Variants in GPC3 observed in about 807,000 individuals in gnomAD.
GPC3 encodes the protein glypican-3.
Under a neutral mutation model 34.4 loss-of-function variants are expected in GPC3, and 3 were observed. The ratio of observed to expected loss-of-function variants is 0.09; its 90% confidence interval spans 0.04 to 0.23. The LOEUF is 0.23. GPC3 is among the 10% of genes least tolerant of loss of function. The pLI, the probability that GPC3 is intolerant of heterozygous loss-of-function variation, is 1.00. For synonymous variants in GPC3, 177 were observed against 174.0 expected (o/e 1.02, Z -0.13); for missense variants, 351 against 445.6 (o/e 0.79, Z 1.91).
chrX:133,639,727 T>C (rs1308145752), intron 6 of GPC3, among the ~76,000 whole-genome samples: 2 of 112,071 alleles, frequency 1.8e-5, no homozygotes, highest in Non-Finnish European at 3.8e-5. Context: ...CCAAAAGTTT[T>C]AGCCACGGAA....
intron 2 of GPC3, among the ~76,000 whole-genome samples, chrX:133,944,542 A>T (rs1319017030): frequency 8.9e-6 from 1 of 111,768 alleles, no homozygotes; most frequent in African/African-American, 3.3e-5. Flanking sequence ...TGTATATTGT[A>T]CGGTTTTAAA....
At chrX:133,785,739 C>T (rs1306398597) in intron 2 of GPC3, among the ~76,000 whole-genome samples, 1 of 111,994 alleles carries the variant, frequency 8.9e-6, no homozygotes, top group African/African-American at 3.2e-5. Flanking sequence ...AATAAAATGA[C>T]ATGATGTCTA....
At chrX:133,893,717 G>A (rs1388125215) in intron 2 of GPC3, among the ~76,000 whole-genome samples, 4 of 111,789 alleles carry the variant, frequency 3.6e-5, no homozygotes, top group African/African-American at 1.3e-4. Flanking sequence ...CATGTCAGAC[G>A]ATGTAAGTGT....
At chrX:133,985,199 C>T (rs1193239936) in intron 1 of GPC3, 76 bp downstream of exon 1, 23 of 1,090,643 alleles carry the variant, frequency 2.1e-5, no homozygotes, top group Non-Finnish European at 2.9e-5. Flanking sequence ...GCGGGGCTAG[C>T]GCGCTCAGGG....
intron 3 of GPC3, among the ~76,000 whole-genome samples, chrX:133,732,629 A>T (rs772855998): frequency 5.6e-4 from 63 of 111,651 alleles, no homozygotes; most frequent in African/African-American, 1.9e-3. Flanking sequence ...ATTAGGGCAG[A>T]TATACAGATG....
chrX:133,830,426 C>G (rs1412919723), intron 2 of GPC3, among the ~76,000 whole-genome samples: 1 of 111,708 alleles, frequency 9.0e-6, no homozygotes, highest in Non-Finnish European at 1.9e-5. Flanking sequence ...CGCCTGTAAT[C>G]CCAGCACTTT....
chrX:133,815,469 G>A (rs2075686419), intron 2 of GPC3, among the ~76,000 whole-genome samples: 1 of 109,360 alleles, frequency 9.1e-6, no homozygotes. Flanking sequence ...AAGGAGTCAG[G>A]TTTGTTTTTG....
rs150849810 is a variant in GPC3 at position 133,943,030 on chromosome X, C to T, written c.337+10020G>A. On this transcript the variant is annotated intron_variant, in intron 2 of 7. Coordinates refer to ENST00000370818, the MANE Select transcript of GPC3 (RefSeq NM_004484.4). ...GTGTCTGATCAAATTCCTACACCCA[C>T]GTCAAATCCCAATTTATTAGAGTTG... is the stretch of plus-strand genomic sequence containing the variant. 5.6e-3 allele frequency among the ~76,000 whole-genome samples: 632 copies of T among 111,864 alleles called. 3 individuals carry two copies. Among genetic ancestry groups the T allele is most frequent in the African/African-American group, 0.019 (591 of 30,864 alleles).
At chrX:133,657,563 G>C (rs1013493623) in intron 6 of GPC3, among the ~76,000 whole-genome samples, 4 of 111,170 alleles carry the variant, frequency 3.6e-5, no homozygotes, top group African/African-American at 9.8e-5. Flanking sequence ...GAAATAAAAA[G>C]GTCCTCATTT....
At position 133,957,475 on chromosome X, in the gene GPC3, T is replaced by C. The variant is rs757882081; in HGVS notation, c.176-4264A>G. ...CTATTTCAATGTATGGACATGTGCA[T>C]GAAATAAATAAAACAGAAAGAACAC... On this transcript the variant is annotated intron_variant, in intron 1 of 7. Transcript: ENST00000370818. Among the ~76,000 whole-genome samples, 499 of 111,893 alleles carry C rather than the reference T, an allele frequency of 4.5e-3. 6 individuals are homozygous for C. Among genetic ancestry groups the C allele is most frequent in the African/African-American group, 0.015 (471 of 30,863 alleles).
intron 2 of GPC3, among the ~76,000 whole-genome samples, chrX:133,850,188 GGTTTT>G (rs1439329858): frequency 1.2e-5 from 1 of 81,719 alleles, no homozygotes; most frequent in African/African-American, 8.1e-5. Context: ...TTGTTTTTTG[GGTTTT>G]GTTTTTTTTT....
chrX:133,912,072 A>T lies in GPC3; in HGVS notation c.337+40978T>A, dbSNP rs148361017. ...GGTATGTCCAGATCAGCTGTGAATA[A>T]GTGTTCTGCATCAGCTGTTATGAAT... On this transcript the variant is annotated intron_variant, in intron 2 of 7. Transcript: ENST00000370818. Among the ~76,000 whole-genome samples, 588 of 112,590 alleles carry T rather than the reference A, an allele frequency of 5.2e-3. 6 individuals are homozygous for T. Among genetic ancestry groups the T allele is most frequent in the African/African-American group, 0.018 (556 of 31,021 alleles).
chrX:133,583,619 C>A (rs2069755096), intron 7 of GPC3, among the ~76,000 whole-genome samples: 1 of 111,765 alleles, frequency 8.9e-6, no homozygotes, highest in Non-Finnish European at 1.9e-5. Context: ...CCTGCCTCGG[C>A]CTCCCAAAGT....
Position 133,922,664 on chromosome X carries a change from C to T in GPC3, c.337+30386G>A, listed in dbSNP as rs2076255299. Among the ~76,000 whole-genome samples the T allele has an allele frequency of 2.7e-5, 3 of 110,236 alleles. 1 individual carries two copies. Among genetic ancestry groups the T allele is most frequent in the South Asian group, 4.0e-4 (1 of 2,523 alleles). On this transcript the variant is annotated intron_variant, in intron 2 of 7. Coordinates refer to ENST00000370818, the MANE Select transcript of GPC3 (RefSeq NM_004484.4). ...GCTCTTTGATTGATTCACCACCAAC[C>T]GCCCCCTTGCCCCCCGCCCCCAGAA... is the stretch of plus-strand genomic sequence containing the variant.
chrX:133,831,505 C>T (rs917414424), intron 2 of GPC3, among the ~76,000 whole-genome samples: 18 of 111,252 alleles, frequency 1.6e-4, no homozygotes, highest in African/African-American at 4.9e-4. Context: ...CCAAGGCAGG[C>T]GGATCACCTG....
chrX:133,878,599 C>T (rs1238806734), intron 2 of GPC3, among the ~76,000 whole-genome samples: 1 of 112,062 alleles, frequency 8.9e-6, no homozygotes, highest in East Asian at 2.8e-4. Flanking sequence ...ACACCCAAAA[C>T]GTGCTTCTGC....
chrX:133,667,346 G>A (rs766699800), intron 5 of GPC3, among the ~76,000 whole-genome samples: 7 of 112,034 alleles, frequency 6.2e-5, no homozygotes, highest in Non-Finnish European at 1.1e-4. Context: ...AAAACAAAAA[G>A]TGGGCCTGAC....
chrX:133,790,812 A>G (rs1013114754), intron 2 of GPC3, among the ~76,000 whole-genome samples: 17 of 111,943 alleles, frequency 1.5e-4, no homozygotes, highest in Non-Finnish European at 2.3e-4. Flanking sequence ...TATGTTAAAA[A>G]AAAAATGAGG....
intron 7 of GPC3, among the ~76,000 whole-genome samples, chrX:133,571,807 G>T (rs2069634929): frequency 9.0e-6 from 1 of 111,663 alleles, no homozygotes; most frequent in Non-Finnish European, 1.9e-5. Context: ...TGCCTCTATG[G>T]TTCTAAAGGA....
Sources: gnomAD v4.1 joint callset for allele counts (sites outside exome capture counted in the v4.1 genomes callset) on GRCh38, gnomAD v4.1.1 for gene constraint, MANE v1.5 for transcripts, NCBI Gene and HGNC (gene_info 2026-07-23, HGNC 2026-07-21) for gene names.